TAMM41: variants seen among roughly 807,000 people sequenced by gnomAD.
TAMM41 encodes TAM41 mitochondrial translocator assembly and maintenance homolog, also known as phosphatidate cytidylyltransferase, mitochondrial.
TAMM41 carries 36 observed loss-of-function variants against 44.1 expected under a neutral mutation model. The ratio of observed to expected loss-of-function variants is 0.82; its 90% CI spans 0.63 to 1.08. The LOEUF (loss-of-function observed/expected upper bound fraction) is 1.08, where lower values mean the gene tolerates loss of function less well. TAMM41 is among the 50% of genes least tolerant of loss of function. TAMM41 has a pLI of 0.00. For missense variants in TAMM41, 417 were observed against 404.3 expected, an observed-to-expected ratio of 1.03 and a Z score of -0.27; for synonymous variants, 164 against 153.1, an observed-to-expected ratio of 1.07 and a Z score of -0.53.
the TAMM41 span, among the ~76,000 whole-genome samples, chr3:11,725,454 C>CCTTCTT: frequency 6.2e-4 from 86 of 137,818 alleles, 1 homozygote; most frequent in African/African-American, 2.2e-3. Context: ...TCCTCCTCCT[C>CCTTCTT]CTTCTTCTTC....
Position 11,846,643 on chromosome 3 carries a change from G to C in TAMM41, c.-7C>G, listed in dbSNP as rs369348633. On this transcript the variant is annotated 5_prime_UTR_variant, in exon 1 of 8. Transcript: ENST00000455809. ...GCAGCGTCTGCAGCGCCATGGGGTC[G>C]AGGCTAACAGGGGACACTCAGCGCA... 1.5e-5 allele frequency: 24 copies of C among 1,614,190 alleles called. No individual in the cohort carries two copies. In the African/African-American group the frequency reaches 2.8e-4, roughly 19 times the overall value.
the TAMM41 span, among the ~76,000 whole-genome samples, chr3:11,774,438 T>C: frequency 6.6e-6 from 1 of 152,164 alleles, no homozygotes; most frequent in East Asian, 1.9e-4. Context: ...GAGGGACTGT[T>C]ACCTAGATGG....
At chr3:11,790,107 C>T (rs772534498), downstream of TAMM41, among the ~76,000 whole-genome samples, 1 of 152,246 alleles carries the variant, frequency 6.6e-6, no homozygotes, top group Non-Finnish European at 1.5e-5. Context: ...GGAAAAAAAA[C>T]AAGTGAACAG....
chr3:11,815,853 G>C (rs753641534), intron 5 of TAMM41, among the ~76,000 whole-genome samples: 1 of 152,178 alleles, frequency 6.6e-6, no homozygotes, highest in Non-Finnish European at 1.5e-5. Context: ...CAGCTATAGA[G>C]ACGAAAGCAG....
the TAMM41 span, among the ~76,000 whole-genome samples, chr3:11,743,020 C>CT: frequency 6.6e-6 from 1 of 151,842 alleles, no homozygotes; most frequent in African/African-American, 2.4e-5. Flanking sequence ...GGAGTGTAGG[C>CT]CCCCCCAACC....
the TAMM41 span, among the ~76,000 whole-genome samples, chr3:11,748,598 C>T: frequency 6.6e-6 from 1 of 152,110 alleles, no homozygotes; most frequent in South Asian, 2.1e-4. Context: ...AGGCTGGTCT[C>T]AAACTCCTGA....
chr3:11,768,655 G>A, the TAMM41 span, among the ~76,000 whole-genome samples: 1 of 152,224 alleles, frequency 6.6e-6, no homozygotes, highest in Non-Finnish European at 1.5e-5. Context: ...TAGACAAGAT[G>A]TTATAGTCCT....
At chr3:11,800,854 T>C (rs542189442) in intron 7 of TAMM41, among the ~76,000 whole-genome samples, 14 of 152,192 alleles carry the variant, frequency 9.2e-5, no homozygotes, top group Non-Finnish European at 1.6e-4. Flanking sequence ...ACAGAATATA[T>C]GTTCTTTTCA....
rs2079248076 is a variant in TAMM41 at position 11,837,836 on chromosome 3, G to C, written c.411+1386C>G. ...CCTCTGCCACCCTTCCCCCAAATGG[G>C]TCAACTTGGAGCCCGATCCAGTCAT... On this transcript the variant is annotated intron_variant, in intron 3 of 7. Coordinates refer to ENST00000455809, the MANE Select transcript of TAMM41 (RefSeq NM_001284401.2). 2.0e-5 allele frequency among the ~76,000 whole-genome samples: 3 copies of C among 152,156 alleles called. No individual in the cohort carries two copies. In the South Asian group the frequency reaches 6.2e-4, roughly 32 times the overall value.
chr3:11,818,364 G>C (rs1426987977), intron 4 of TAMM41, among the ~76,000 whole-genome samples: 1 of 152,112 alleles, frequency 6.6e-6, no homozygotes, highest in African/African-American at 2.4e-5. Flanking sequence ...AGGACATATG[G>C]TTACCCTCGC....
rs376351296 is a variant in TAMM41 at position 11,839,285 on chromosome 3, G to A, written c.348C>T (p.Asn116=). 3.7e-5 allele frequency: 59 copies of A among 1,613,122 alleles called. No individual in the cohort carries two copies. The South Asian group carries it at 4.2e-4, about 11-fold the overall frequency. ...AGTTGAGGAGATCTTCAATCAGAAC[G>A]TTAGTGCTAATAACTCCATATTTGA... ...RLIKYGVIST[N]VLIEDLLNWN... is the part of the protein sequence containing the mutation. The change falls in exon 3 of 8, where the codon AAC becomes AAT. Residue 116 remains asparagine, a synonymous_variant. Coordinates refer to ENST00000455809, the MANE Select transcript of TAMM41 (RefSeq NM_001284401.2).
intron 3 of TAMM41, among the ~76,000 whole-genome samples, chr3:11,833,905 T>C (rs1242343871): frequency 6.6e-6 from 1 of 152,178 alleles, no homozygotes; most frequent in Non-Finnish European, 1.5e-5. Flanking sequence ...ACTCTTTAAA[T>C]GGTTGAGCTG....
chr3:11,746,027 G>A, the TAMM41 span, among the ~76,000 whole-genome samples: 7 of 152,096 alleles, frequency 4.6e-5, no homozygotes, highest in South Asian at 2.1e-4. Context: ...TAGGCCGGGC[G>A]CGGTCGCTCA....
At chr3:11,788,031 G>T (rs566004810), downstream of TAMM41, among the ~76,000 whole-genome samples, 20 of 152,300 alleles carry the variant, frequency 1.3e-4, no homozygotes, top group Admixed American at 2.6e-4. Flanking sequence ...CAGGCTGTGT[G>T]AGAAAAGGCA....
intron 2 of TAMM41, 63 bp from the exon 3 acceptor site, chr3:11,839,377 T>A: frequency 9.3e-7 from 1 of 1,077,720 alleles, no homozygotes; most frequent in Non-Finnish European, 1.4e-6. Context: ...TATACAAGTA[T>A]AAAATATAAG....
the TAMM41 span, among the ~76,000 whole-genome samples, chr3:11,776,082 T>A: frequency 6.6e-6 from 1 of 151,386 alleles, no homozygotes; most frequent in African/African-American, 2.4e-5. Flanking sequence ...GGCCTGATCT[T>A]GGCTCACTGC....
chr3:11,795,660 T>C (rs1045557824), intron 7 of TAMM41, among the ~76,000 whole-genome samples: 20 of 152,308 alleles, frequency 1.3e-4, no homozygotes, highest in African/African-American at 4.3e-4. Context: ...TTAAAGTCTT[T>C]GTTTGGCCCC....
chr3:11,766,027 T>C, the TAMM41 span, among the ~76,000 whole-genome samples: 1 of 152,090 alleles, frequency 6.6e-6, no homozygotes, highest in Non-Finnish European at 1.5e-5. Context: ...TTTTGCTCCA[T>C]CCAAAACTTT....
intron 7 of TAMM41, among the ~76,000 whole-genome samples, chr3:11,799,754 A>T (rs2077700656): frequency 6.6e-6 from 1 of 152,246 alleles, no homozygotes; most frequent in Non-Finnish European, 1.5e-5. Flanking sequence ...CCCCCAGGTG[A>T]ATACACTGCA....
Sources: gnomAD v4.1 joint callset for allele counts (sites outside exome capture counted in the v4.1 genomes callset) on GRCh38, gnomAD v4.1.1 for gene constraint, MANE v1.5 for transcripts, NCBI Gene and HGNC (gene_info 2026-07-23, HGNC 2026-07-21) for gene names.